DAB1: variants seen among roughly 807,000 people sequenced by gnomAD.
DAB1 encodes the protein disabled homolog 1.
Under a neutral mutation model 64.6 loss-of-function variants are expected in DAB1, and 15 were observed. That is an observed-to-expected ratio of 0.23 (90% CI 0.16 to 0.36). The LOEUF (loss-of-function observed/expected upper bound fraction) is 0.36. Ranked by LOEUF, DAB1 falls within the 10% of genes least tolerant of loss-of-function variation. The pLI is 1.00. For missense variants in DAB1, 596 were observed against 706.7 expected, an observed-to-expected ratio of 0.84 and a Z score of 1.78; for synonymous variants, 235 against 251.9, an observed-to-expected ratio of 0.93 and a Z score of 0.64.
At chr1:57,346,371 T>C (rs1678101621) in intron 1 of DAB1, among the ~76,000 whole-genome samples, 1 of 152,192 alleles carries the variant, frequency 6.6e-6, no homozygotes, top group African/African-American at 2.4e-5. Context: ...AGGCAGAATT[T>C]TTAAACATTC....
At chr1:57,056,504 CAAAAAA>C (rs71051216) in intron 9 of DAB1, among the ~76,000 whole-genome samples, 18 of 87,030 alleles carry the variant, frequency 2.1e-4, no homozygotes, top group Non-Finnish European at 1.3e-4. Flanking sequence ...GAGCCTGTCT[CAAAAAA>C]AAAAAAAAAA....
intron 5 of DAB1, among the ~76,000 whole-genome samples, chr1:57,925,797 G>A (rs1447970148): frequency 6.6e-6 from 1 of 152,174 alleles, no homozygotes; most frequent in Non-Finnish European, 1.5e-5. Context: ...TGTGATTGTG[G>A]AGGAGGGGGA....
At chr1:57,182,284 T>C (rs957202000) in intron 2 of DAB1, among the ~76,000 whole-genome samples, 2 of 152,216 alleles carry the variant, frequency 1.3e-5, no homozygotes, top group East Asian at 1.9e-4. Context: ...ATAGCAGCTA[T>C]CAATTACTAG....
chr1:58,283,060 T>G (rs1434221652), intron 4 of DAB1, among the ~76,000 whole-genome samples: 1 of 152,010 alleles, frequency 6.6e-6, no homozygotes, highest in African/African-American at 2.4e-5. Context: ...AGACAGAATT[T>G]TTTTTAAAAG....
chr1:58,254,449 T>C (rs996355757), intron 4 of DAB1, among the ~76,000 whole-genome samples: 3 of 144,418 alleles, frequency 2.1e-5, no homozygotes, highest in Admixed American at 1.4e-4. Flanking sequence ...TTGTGCAGGT[T>C]AGTTACATAT....
intron 9 of DAB1, among the ~76,000 whole-genome samples, chr1:57,028,815 A>G (rs1646872526): frequency 6.6e-6 from 1 of 152,200 alleles, no homozygotes. Flanking sequence ...GAAATTTCCA[A>G]GCAGCAAAGC....
chr1:57,724,882 G>C (rs1433117510), intron 6 of DAB1, among the ~76,000 whole-genome samples: 1 of 152,194 alleles, frequency 6.6e-6, no homozygotes, highest in East Asian at 1.9e-4. Flanking sequence ...CACAGTGTCT[G>C]CCACATAGGT....
At chr1:57,122,261 C>T (rs1377609949) in intron 4 of DAB1, among the ~76,000 whole-genome samples, 1 of 152,160 alleles carries the variant, frequency 6.6e-6, no homozygotes, top group African/African-American at 2.4e-5. Context: ...TCTGATTCAT[C>T]TTCATATCCC....
chr1:57,183,198 G>T (rs1189520786), intron 2 of DAB1, among the ~76,000 whole-genome samples: 1 of 152,124 alleles, frequency 6.6e-6, no homozygotes, highest in Admixed American at 6.5e-5. Flanking sequence ...GGGAACTGCC[G>T]AGCATTCTAA....
At chr1:58,249,564 C>G (rs1186296047) in intron 4 of DAB1, among the ~76,000 whole-genome samples, 1 of 152,070 alleles carries the variant, frequency 6.6e-6, no homozygotes, top group Non-Finnish European at 1.5e-5. Context: ...TGCCTGGTTT[C>G]TAGATACATA....
intron 6 of DAB1, among the ~76,000 whole-genome samples, chr1:57,742,062 T>C (rs1193384644): frequency 1.3e-5 from 2 of 152,120 alleles, no homozygotes; most frequent in Non-Finnish European, 1.5e-5. Context: ...AGTAGGGTAA[T>C]AAAATATTTC....
intron 1 of DAB1, among the ~76,000 whole-genome samples, chr1:57,398,778 G>A (rs1449099955): frequency 1.3e-5 from 2 of 152,262 alleles, no homozygotes. Flanking sequence ...GGCTGGAGAT[G>A]CCGCCTCTGG....
chr1:57,896,889 A>G (rs562693779), intron 5 of DAB1, among the ~76,000 whole-genome samples: 2 of 152,320 alleles, frequency 1.3e-5, no homozygotes, highest in Admixed American at 1.3e-4. Context: ...TTGCATCTGC[A>G]TGTGGCAAAA....
At chr1:58,419,800 G>C (rs1030571940) in intron 3 of DAB1, among the ~76,000 whole-genome samples, 3 of 152,214 alleles carry the variant, frequency 2.0e-5, no homozygotes, top group African/African-American at 7.2e-5. Context: ...CGTAGCCACT[G>C]TGTATGCACC....
At chr1:57,661,548 T>G (rs1646386621) in intron 6 of DAB1, among the ~76,000 whole-genome samples, 1 of 152,142 alleles carries the variant, frequency 6.6e-6, no homozygotes, top group African/African-American at 2.4e-5. Flanking sequence ...GTCTTGGAAG[T>G]CACTAGAAGA....
intron 7 of DAB1, among the ~76,000 whole-genome samples, chr1:57,635,315 G>A (rs1326842218): frequency 6.6e-6 from 1 of 152,162 alleles, no homozygotes; most frequent in African/African-American, 2.4e-5. Flanking sequence ...TGGTGTGTTA[G>A]GCACTGAGCC....
chr1:57,800,364 C>G (rs1331260457), intron 6 of DAB1, among the ~76,000 whole-genome samples: 1 of 152,176 alleles, frequency 6.6e-6, no homozygotes, highest in East Asian at 1.9e-4. Context: ...AACCCAAAGT[C>G]TAGGTGCCTG....
chr1:58,264,714 G>A (rs1436901778), intron 4 of DAB1, among the ~76,000 whole-genome samples: 1 of 152,176 alleles, frequency 6.6e-6, no homozygotes, highest in African/African-American at 2.4e-5. Context: ...CATCTCTTCT[G>A]TTCACACTTT....
chr1:57,127,010 T>G (rs1421655172), intron 4 of DAB1, among the ~76,000 whole-genome samples: 1 of 151,670 alleles, frequency 6.6e-6, no homozygotes. Flanking sequence ...TGTAAAGCAC[T>G]TGAGAGGTTC....
Sources: allele counts gnomAD v4.1 joint callset (sites outside exome capture counted in the v4.1 genomes callset), GRCh38; gene constraint gnomAD v4.1.1; transcripts MANE v1.5; gene names NCBI Gene and HGNC (gene_info 2026-07-23, HGNC 2026-07-21).